The following CFAP46 variants were observed in gnomAD, a reference collection of about 807,000 sequenced individuals.
The protein encoded by CFAP46 is cilia and flagella associated protein 46.
CFAP46 carries 245 observed loss-of-function variants against 325.7 expected under a neutral mutation model. The observed-to-expected ratio is 0.75, with a 90% confidence interval of 0.68 to 0.84. The LOEUF (loss-of-function observed/expected upper bound fraction) is 0.84, where lower values mean the gene tolerates loss of function less well. Among genes scored for constraint, CFAP46 ranks in the 40% least tolerant of loss-of-function variants. The probability of loss-of-function intolerance (pLI) is 0.00; values close to 1 mark genes in which losing one functional copy is unlikely to be tolerated. For missense variants in CFAP46, 3,346 were observed against 3,543.0 expected, an observed-to-expected ratio of 0.94 and a Z score of 1.41; for synonymous variants, 1,523 against 1,495.9, an observed-to-expected ratio of 1.02 and a Z score of -0.42.
At chr10:132,846,811 A>G in intron 43 of CFAP46, 121 bp downstream of exon 43, 3 of 1,282,940 alleles carry the variant, frequency 2.3e-6, no homozygotes, top group African/African-American at 1.5e-5. Flanking sequence ...CTGCTTAAGG[A>G]CCCTGGCCTG....
intron 50 of CFAP46, among the ~76,000 whole-genome samples, chr10:132,822,782 TTG>T (rs1847900171): frequency 1.5e-5 from 2 of 133,196 alleles, no homozygotes; most frequent in African/African-American, 2.9e-5. Flanking sequence ...GTGTGTGCAC[TTG>T]TGTGTGCTGT....
In CFAP46 at chr10:132,872,756, C is replaced by G; in HGVS notation, c.4431G>C (p.Thr1477=). ...GCACCCCCAACTGCAGGACGGGAAC[C>G]GTGAGTTCGTGCAGGCACATCTTCT... The part of the protein sequence containing the change: ...ALQKMCLHEL[T]VPVLQLGVLI... The change falls in exon 32 of 58, where the codon ACG becomes ACC. Residue 1477 remains threonine (T), a synonymous_variant. Coordinates refer to ENST00000368586, the MANE Select transcript of CFAP46 (RefSeq NM_001200049.3). The G allele has an allele frequency of 6.4e-7, 1 of 1,550,954 alleles. No homozygotes were observed. Among genetic ancestry groups the G allele is most frequent in the Non-Finnish European group, 8.7e-7 (1 of 1,147,076 alleles).
At chr10:132,865,947 T>G (rs1197738619) in intron 35 of CFAP46, 78 bp downstream of exon 35, 1 of 1,315,412 alleles carries the variant, frequency 7.6e-7, no homozygotes, top group Non-Finnish European at 9.8e-7. Context: ...AGCCCAAGCT[T>G]CTGCCCGCAG....
Position 132,899,056 on chromosome 10 carries a change from C to T in CFAP46, c.3122G>A (p.Trp1041Ter). Residue 1041 changes from tryptophan (W) to a stop codon, truncating the protein, a stop_gained, in exon 24 of 58, where the codon TGG becomes TAG. Transcript: ENST00000368586. LOFTEE classifies it high-confidence loss of function. ...MLAARHYWNA[W>*]LPLLSSAVYR... Reference sequence around the variant, plus strand: ...GACGGCTGAGGACAGCAGTGGGAGCCAGGCGTTCCAGTAATGCCGCGCGGC... The same window carrying T: ...GACGGCTGAGGACAGCAGTGGGAGCTAGGCGTTCCAGTAATGCCGCGCGGC... 3 of 1,550,618 alleles carry T rather than the reference C, an allele frequency of 1.9e-6. No homozygotes were observed. Among genetic ancestry groups the T allele is most frequent in the Non-Finnish European group, 2.6e-6 (3 of 1,146,998 alleles).
intron 15 of CFAP46, 61 bp from the exon 16 acceptor site, chr10:132,918,581 A>T: frequency 6.8e-7 from 1 of 1,472,692 alleles, no homozygotes; most frequent in East Asian, 2.5e-5. Context: ...TAAAAACACA[A>T]GAATTCCTGA....
At chr10:132,853,209 T>C (rs1478390619) in intron 39 of CFAP46, among the ~76,000 whole-genome samples, 2 of 152,226 alleles carry the variant, frequency 1.3e-5, no homozygotes, top group Non-Finnish European at 2.9e-5. Context: ...CTTTATCAGG[T>C]TGAGGAAGTT....
rs145256252 is a variant in CFAP46, at chr10:132,889,823, G to A, written c.3304+2510C>T. 5.3e-3 allele frequency among the ~76,000 whole-genome samples: 808 copies of A among 152,296 alleles called. 8 individuals are homozygous for A. The highest frequency in any genetic ancestry group is 0.019 in the African/African-American group (774 of 41,566). On this transcript the variant is annotated intron_variant, in intron 25 of 57. Coordinates refer to ENST00000368586, the MANE Select transcript of CFAP46 (RefSeq NM_001200049.3). This position sits in a 1 kb window ranked among gnomAD's most constrained non-coding sequence, Gnocchi z 6.0. ...GTGCCTGTGCTGAGCTCTGGGCCTCGTGTTTCCACAGCACAGCATGGCCGT... is the reference window on the plus strand; with the variant it reads ...GTGCCTGTGCTGAGCTCTGGGCCTCATGTTTCCACAGCACAGCATGGCCGT...
At chr10:132,863,810 C>G (rs779402423) in intron 35 of CFAP46, among the ~76,000 whole-genome samples, 1 of 140,676 alleles carries the variant, frequency 7.1e-6, no homozygotes, top group Admixed American at 7.1e-5. Context: ...GAGACCTGCA[C>G]GCACCTGTCC....
chr10:132,898,735 G>A (rs1169304039), intron 24 of CFAP46: 3 of 663,092 alleles, frequency 4.5e-6, no homozygotes, highest in South Asian at 3.3e-5. Flanking sequence ...CGGTGCATGT[G>A]TGTTGCTGGG....
chr10:132,931,078 A>C, intron 8 of CFAP46, among the ~76,000 whole-genome samples: 1 of 51,800 alleles, frequency 1.9e-5, no homozygotes, highest in Admixed American at 2.2e-4. Flanking sequence ...TCCTCTCCAC[A>C]CAGAGCCTGG....
Position 132,880,878 on chromosome 10 carries a change from G to A in CFAP46, c.3782C>T (p.Pro1261Leu). 1 of 1,548,916 alleles carries A rather than the reference G, an allele frequency of 6.5e-7. No individual in the cohort carries two copies. The highest frequency in any genetic ancestry group is 1.4e-5 in the African/African-American group (1 of 73,158). Residue 1261 changes from proline (P) to leucine (L), a missense_variant, in exon 28 of 58, where the codon CCA becomes CTA. By Grantham distance (98) the Pro-to-Leu change is moderately conservative. Coordinates refer to ENST00000368586, the MANE Select transcript of CFAP46 (RefSeq NM_001200049.3). ...GGGCTCACCATCCGGCGTGGGCTGT[G>A]GCTCAGGGACATCGCCGGGCGGCTT... ...AMKPPGDVPEPQPTPDGEYVA... is the reference protein window; with the variant it reads ...AMKPPGDVPELQPTPDGEYVA...
intron 25 of CFAP46, among the ~76,000 whole-genome samples, chr10:132,891,899 T>C (rs969465612): frequency 1.3e-5 from 2 of 152,292 alleles, no homozygotes; most frequent in East Asian, 1.9e-4. Context: ...ACCAAACCAA[T>C]GTGCACCAGA....
intron 25 of CFAP46, among the ~76,000 whole-genome samples, chr10:132,890,334 C>A (rs1033676156): frequency 3.9e-5 from 6 of 152,192 alleles, no homozygotes; most frequent in African/African-American, 1.4e-4. Context: ...ACAGGGCTGA[C>A]AAGAATCACA....
chr10:132,922,099 C>T lies in CFAP46; in HGVS notation c.1606+5G>A, dbSNP rs1373060782. ...TGGGCTGGGAGAGCCCAGTGCAGAG[C>T]TCACCTTTGGCCTCATTCTCACTGT... On this transcript the variant is annotated splice_donor_5th_base_variant and intron_variant, in intron 13 of 57. Coordinates refer to ENST00000368586, the MANE Select transcript of CFAP46 (RefSeq NM_001200049.3). 1.3e-6 allele frequency: 2 copies of T among 1,549,860 alleles called. No individual in the cohort carries two copies. The highest frequency in any genetic ancestry group is 2.4e-5 in the East Asian group (1 of 40,918).
rs962281167 is a variant in CFAP46, at chr10:132,828,903, T to C, written c.7117+4455A>G. Among the ~76,000 whole-genome samples, 19 of 152,176 alleles carry C rather than the reference T, an allele frequency of 1.2e-4. No individual in the cohort carries two copies. The highest frequency in any genetic ancestry group is 1.8e-4 in the Non-Finnish European group (12 of 68,028). ...CGGCTGTGCACCTGTGGCGTGCTTCTGGTTCCCCGCCCCATCCCCTGGGTC... is the reference window on the plus strand; with the variant it reads ...CGGCTGTGCACCTGTGGCGTGCTTCCGGTTCCCCGCCCCATCCCCTGGGTC... On this transcript the variant is annotated intron_variant, in intron 50 of 57. Coordinates refer to ENST00000368586, the MANE Select transcript of CFAP46 (RefSeq NM_001200049.3). The surrounding 1 kb of genome is among the most constrained non-coding windows in gnomAD (Gnocchi z 4.9).
chr10:132,849,235 C>T (rs1248371750), intron 41 of CFAP46, among the ~76,000 whole-genome samples: 3 of 152,238 alleles, frequency 2.0e-5, no homozygotes, highest in East Asian at 1.9e-4. Flanking sequence ...CACACCCACC[C>T]GCTACCTGAG....
At chr10:132,920,410 G>T (rs909606232) in intron 13 of CFAP46, among the ~76,000 whole-genome samples, 7 of 152,174 alleles carry the variant, frequency 4.6e-5, no homozygotes, top group African/African-American at 9.7e-5. Context: ...TCCTCTGAGT[G>T]GGGGAGGCTC....
At chr10:132,834,284 C>T (rs1296573670) in intron 48 of CFAP46, among the ~76,000 whole-genome samples, 161 bp from the exon 49 acceptor site, 3 of 152,200 alleles carry the variant, frequency 2.0e-5, no homozygotes, top group Non-Finnish European at 4.4e-5. Flanking sequence ...CGGGATGAGC[C>T]ACAGGATTTT....
chr10:132,833,299 AT>A, intron 50 of CFAP46, 58 bp downstream of exon 50: 1 of 1,492,448 alleles, frequency 6.7e-7, no homozygotes, highest in Non-Finnish European at 9.2e-7. Flanking sequence ...CATCTGAAAA[AT>A]AATTTAAATA....
Sources: allele counts gnomAD v4.1 joint callset (sites outside exome capture counted in the v4.1 genomes callset), GRCh38; gene constraint gnomAD v4.1.1; non-coding constraint Gnocchi (gnomAD v3.1); transcripts MANE v1.5; gene names NCBI Gene and HGNC (gene_info 2026-07-23, HGNC 2026-07-21).